Variants in GBE1 observed in about 807,000 individuals in gnomAD.
The protein encoded by GBE1 is 1,4-alpha-glucan-branching enzyme.
A neutral mutation model predicts 88.8 loss-of-function variants in GBE1; 70 were observed. That is an observed-to-expected ratio of 0.79 (90% confidence interval 0.65 to 0.96). The LOEUF (loss-of-function observed/expected upper bound fraction) is 0.96, where lower values mean the gene tolerates loss of function less well. GBE1 is among the 40% of genes least tolerant of loss of function. The probability of loss-of-function intolerance (pLI) is 0.00; values close to 1 mark genes in which losing one functional copy is unlikely to be tolerated. For missense variants in GBE1, 872 were observed against 871.0 expected, an observed-to-expected ratio of 1.00 and a Z score of -0.01; for synonymous variants, 284 against 300.1, an observed-to-expected ratio of 0.95 and a Z score of 0.56.
At chr3:81,640,939 C>T (rs576730486) in intron 7 of GBE1, among the ~76,000 whole-genome samples, 9 of 151,926 alleles carry the variant, frequency 5.9e-5, no homozygotes, top group South Asian at 2.1e-4. Flanking sequence ...AAAAAGAAGC[C>T]GAGTATTAAA....
At chr3:81,735,804 C>G (rs188105680) in intron 1 of GBE1, among the ~76,000 whole-genome samples, 1 of 152,204 alleles carries the variant, frequency 6.6e-6, no homozygotes, top group Non-Finnish European at 1.5e-5. Flanking sequence ...CCAAAGGGCT[C>G]CTATTATCAG....
Position 81,505,279 on chromosome 3 carries a change from G to A in GBE1, c.1935-6052C>T, listed in dbSNP as rs181272895. Reference sequence around the variant, plus strand: ...GACCCCAGGAAAGAGAATTTATACCGAAGGCAGAAAATATCAGGTTCAAAA... The same window carrying A: ...GACCCCAGGAAAGAGAATTTATACCAAAGGCAGAAAATATCAGGTTCAAAA... On this transcript the variant is annotated intron_variant, in intron 14 of 15. Transcript: ENST00000429644. Among the ~76,000 whole-genome samples the A allele has an allele frequency of 6.0e-4, 92 of 152,242 alleles. 1 individual carries two copies. The highest frequency in any genetic ancestry group is 1.6e-3 in the Admixed American group (25 of 15,292).
chr3:81,670,908 C>T lies in GBE1; in HGVS notation c.359G>A (p.Gly120Glu). Reference protein sequence around the residue: ...FSYPYKKLDYGKWELYIPPKQ... With the variant: ...FSYPYKKLDYEKWELYIPPKQ... ...TGGTGGGATATACAGCTCCCATTTTCCATAATCCAGTTTTTTGTATGGGTA... is the reference window on the plus strand; with the variant it reads ...TGGTGGGATATACAGCTCCCATTTTTCATAATCCAGTTTTTTGTATGGGTA... Residue 120 changes from glycine (G) to glutamate (E), a missense_variant, in exon 3 of 16, where the codon GGA (glycine) becomes GAA (glutamate). Transcript: ENST00000429644. 1.3e-6 allele frequency: 2 copies of T among 1,575,422 alleles called. No individual in the cohort carries two copies. The highest frequency in any genetic ancestry group is 1.7e-6 in the Non-Finnish European group (2 of 1,164,196).
intron 2 of GBE1, among the ~76,000 whole-genome samples, chr3:81,682,912 T>C (rs1181476775): frequency 6.6e-6 from 1 of 152,148 alleles, no homozygotes; most frequent in Non-Finnish European, 1.5e-5. Context: ...TATTATTTGG[T>C]CATTAATAGG....
chr3:81,736,131 T>C (rs1156452413), intron 1 of GBE1, among the ~76,000 whole-genome samples: 2 of 152,168 alleles, frequency 1.3e-5, no homozygotes, highest in Non-Finnish European at 2.9e-5. Flanking sequence ...AGCTGAGAGA[T>C]ACCATACAGG....
chr3:81,761,328 G>T, intron 1 of GBE1, 47 bp downstream of exon 1: 2 of 1,569,882 alleles, frequency 1.3e-6, no homozygotes, highest in Non-Finnish European at 1.7e-6. Flanking sequence ...CGGCTCCTGG[G>T]AGGCGGGCTG....
intron 1 of GBE1, among the ~76,000 whole-genome samples, chr3:81,707,209 A>G (rs1705789950): frequency 6.6e-6 from 1 of 152,072 alleles, no homozygotes; most frequent in South Asian, 2.1e-4. Context: ...GATAAAAGAA[A>G]TGAGTCTATA....
intron 1 of GBE1, among the ~76,000 whole-genome samples, chr3:81,752,559 A>G (rs888986287): frequency 6.6e-6 from 1 of 152,218 alleles, no homozygotes; most frequent in African/African-American, 2.4e-5. Context: ...ACCTCTCTCA[A>G]TAAAAGGAGC....
At chr3:81,632,097 C>T (rs1450215896) in intron 7 of GBE1, among the ~76,000 whole-genome samples, 7 of 152,064 alleles carry the variant, frequency 4.6e-5, no homozygotes, top group African/African-American at 7.2e-5. Flanking sequence ...CTGAGAATGA[C>T]GGTTTCCAGC....
intron 6 of GBE1, among the ~76,000 whole-genome samples, chr3:81,644,082 A>T (rs562059386): frequency 6.6e-6 from 1 of 151,938 alleles, no homozygotes; most frequent in South Asian, 2.1e-4. Context: ...TCATTCCTTC[A>T]TTCATTCCTT....
At chr3:81,725,746 T>C (rs1207594176) in intron 1 of GBE1, among the ~76,000 whole-genome samples, 1 of 152,220 alleles carries the variant, frequency 6.6e-6, no homozygotes, top group East Asian at 1.9e-4. Context: ...GATGTCACTA[T>C]GTGATAAACA....
rs1473296120 is a variant in GBE1 at position 81,535,269 on chromosome 3, A to G, written c.1860T>C (p.Gly620=). The change falls in exon 14 of 16, where the codon GGT becomes GGC. Residue 620 remains glycine, a synonymous_variant. Transcript: ENST00000429644. ...GNKIIAFERA[G]LLFIFNFHPS... is the part of the protein sequence containing the mutation. ...GATGGAAGTTGAAAATGAAAAGAAG[A>G]CCTGCTCTTTCAAAAGCAATGATCT... 6.2e-7 allele frequency: 1 copy of G among 1,611,294 alleles called. No homozygotes were observed. The highest frequency in any genetic ancestry group is 8.5e-7 in the Non-Finnish European group (1 of 1,178,570).
Position 81,490,381 on chromosome 3 carries a change from T to G in GBE1, c.*26A>C, listed in dbSNP as rs771434046. On this transcript the variant is annotated 3_prime_UTR_variant, in exon 16 of 16. Transcript: ENST00000429644. ...CAAGAAAACAAAACACAAATCTGCA[T>G]CTGGTGGAGCTGAAATCAGGCCTCT... The G allele has an allele frequency of 6.3e-7, 1 of 1,591,026 alleles. No homozygotes were observed. Among genetic ancestry groups the G allele is most frequent in the East Asian group, 2.2e-5 (1 of 44,762 alleles).
At chr3:81,612,251 A>G in intron 7 of GBE1, 1 of 567,746 alleles carries the variant, frequency 1.8e-6, no homozygotes, top group Non-Finnish European at 2.7e-6. Flanking sequence ...AAACTTAAAG[A>G]AGCTCTCTGG....
At chr3:81,709,843 C>T (rs1705833261) in intron 1 of GBE1, among the ~76,000 whole-genome samples, 1 of 152,158 alleles carries the variant, frequency 6.6e-6, no homozygotes. Flanking sequence ...GCAAGCTCAT[C>T]ATGCCTGTGC....
chr3:81,510,223 A>G (rs1424899522), intron 14 of GBE1, among the ~76,000 whole-genome samples: 1 of 152,122 alleles, frequency 6.6e-6, no homozygotes, highest in Non-Finnish European at 1.5e-5. Context: ...CCACTCTACC[A>G]CCATCTTGCA....
chr3:81,636,796 C>T (rs1359648120), intron 7 of GBE1, among the ~76,000 whole-genome samples: 1 of 152,152 alleles, frequency 6.6e-6, no homozygotes, highest in Middle Eastern at 3.4e-3. Context: ...TCCCAAAATG[C>T]CGGGATTACA....
chr3:81,547,272 C>G (rs962407522), intron 12 of GBE1, among the ~76,000 whole-genome samples: 3 of 151,328 alleles, frequency 2.0e-5, no homozygotes, highest in Non-Finnish European at 4.4e-5. Flanking sequence ...ATGTTAGAGT[C>G]CTTTATAAGA....
At chr3:81,623,603 CTTTTG>C (rs915259227) in intron 7 of GBE1, among the ~76,000 whole-genome samples, 3 of 152,122 alleles carry the variant, frequency 2.0e-5, no homozygotes, top group African/African-American at 7.2e-5. Context: ...GGTACTCAAA[CTTTTG>C]TTAAATTAGT....
Sources: allele counts gnomAD v4.1 joint callset (sites outside exome capture counted in the v4.1 genomes callset), GRCh38; gene constraint gnomAD v4.1.1; transcripts MANE v1.5; gene names NCBI Gene and HGNC (gene_info 2026-07-23, HGNC 2026-07-21).